KCNK9: variants seen among roughly 807,000 people sequenced by gnomAD.
The protein encoded by KCNK9 is potassium two pore domain channel subfamily K member 9.
Under a neutral mutation model 10.8 loss-of-function variants are expected in KCNK9, and 1 was observed. That is an observed-to-expected ratio of 0.09 (90% CI 0.03 to 0.44). The LOEUF is 0.44. Among genes scored for constraint, KCNK9 ranks in the 20% least tolerant of loss-of-function variants. The pLI is 0.97. For synonymous variants in KCNK9, 231 were observed against 222.7 expected (o/e 1.04, Z -0.33); for missense variants, 303 against 515.0 (o/e 0.59, Z 3.98).
At chr8:139,683,705 AG>A (rs1816736448) in intron 1 of KCNK9, among the ~76,000 whole-genome samples, 12 of 152,224 alleles carry the variant, frequency 7.9e-5, no homozygotes, top group Non-Finnish European at 1.6e-4. Flanking sequence ...GAGGTATGTG[AG>A]CAGAGTGTGA....
intron 1 of KCNK9, among the ~76,000 whole-genome samples, chr8:139,645,514 G>A (rs1340146734): frequency 6.6e-6 from 1 of 152,162 alleles, no homozygotes; most frequent in Non-Finnish European, 1.5e-5. Flanking sequence ...CATTGAGGCC[G>A]GTACCACCTC....
At chr8:139,681,854 C>G (rs1018096737) in intron 1 of KCNK9, among the ~76,000 whole-genome samples, 1 of 152,198 alleles carries the variant, frequency 6.6e-6, no homozygotes, top group Non-Finnish European at 1.5e-5. Context: ...GCATCTTATG[C>G]GGCCTGGACA....
At chr8:139,626,830 A>G (rs1814993391) in intron 1 of KCNK9, among the ~76,000 whole-genome samples, 1 of 152,218 alleles carries the variant, frequency 6.6e-6, no homozygotes, top group South Asian at 2.1e-4. Flanking sequence ...TCCATTAAAG[A>G]ATGACTCAGG....
chr8:139,641,079 G>A (rs1009445540), intron 1 of KCNK9, among the ~76,000 whole-genome samples: 1 of 152,250 alleles, frequency 6.6e-6, no homozygotes, highest in African/African-American at 2.4e-5. Context: ...GAAGCGGTCT[G>A]GCACGAGGAG....
At chr8:139,697,948 C>T (rs188521237) in intron 1 of KCNK9, among the ~76,000 whole-genome samples, 1 of 152,268 alleles carries the variant, frequency 6.6e-6, no homozygotes, top group East Asian at 1.9e-4. Flanking sequence ...GCCAGCTACC[C>T]TGCTGGACAT....
chr8:139,636,771 A>G (rs1282445181), intron 1 of KCNK9, among the ~76,000 whole-genome samples: 2 of 152,216 alleles, frequency 1.3e-5, no homozygotes, highest in East Asian at 1.9e-4. Context: ...AAGAAAAGAA[A>G]GGTTTATGGC....
chr8:139,649,457 A>T (rs1333995542), intron 1 of KCNK9, among the ~76,000 whole-genome samples: 7 of 152,188 alleles, frequency 4.6e-5, no homozygotes, highest in Non-Finnish European at 8.8e-5. Context: ...TCACTCCAAG[A>T]TGTGCCTTGC....
intron 1 of KCNK9, among the ~76,000 whole-genome samples, chr8:139,695,587 AC>A (rs1817029877): frequency 6.6e-6 from 1 of 152,142 alleles, no homozygotes; most frequent in African/African-American, 2.4e-5. Context: ...GACCCTCAAA[AC>A]AAAAATCCCT....
chr8:139,669,309 C>T (rs942536581), intron 1 of KCNK9, among the ~76,000 whole-genome samples: 1 of 152,170 alleles, frequency 6.6e-6, no homozygotes, highest in South Asian at 2.1e-4. Flanking sequence ...CTTCCTTTCA[C>T]CAAAGATTTC....
Position 139,702,148 on chromosome 8 carries a change from A to G in KCNK9, c.283+562T>C, listed in dbSNP as rs989318322. ...CCAGAACTGGAACTCAGGGGAAAAAAGGAGCCGGGCGGGGGGAAGAGAGAT... is the reference window on the plus strand; with the variant it reads ...CCAGAACTGGAACTCAGGGGAAAAAGGGAGCCGGGCGGGGGGAAGAGAGAT... On this transcript the variant is annotated intron_variant, in intron 1 of 1. Transcript: ENST00000520439. This position sits in a 1 kb window ranked among gnomAD's most constrained non-coding sequence, Gnocchi z 7.5. Among the ~76,000 whole-genome samples, 3 of 152,094 alleles carry G rather than the reference A, an allele frequency of 2.0e-5. No individual in the cohort carries two copies. The highest frequency in any genetic ancestry group is 1.3e-4 in the Admixed American group (2 of 15,288).
chr8:139,671,345 T>C (rs1264312736), intron 1 of KCNK9, among the ~76,000 whole-genome samples: 1 of 152,132 alleles, frequency 6.6e-6, no homozygotes, highest in Non-Finnish European at 1.5e-5. Flanking sequence ...CACTTCTTTG[T>C]ACTGTGTTCG....
chr8:139,620,775 G>A (rs934116256), intron 1 of KCNK9, among the ~76,000 whole-genome samples: 9 of 152,158 alleles, frequency 5.9e-5, no homozygotes, highest in African/African-American at 2.2e-4. Flanking sequence ...CCTTATGAAA[G>A]AAGAGATGAT....
intron 1 of KCNK9, among the ~76,000 whole-genome samples, chr8:139,662,340 G>A (rs967221295): frequency 3.3e-5 from 5 of 152,338 alleles, no homozygotes; most frequent in South Asian, 2.1e-4. Context: ...GGGGCTGGGT[G>A]TGGCCAGGAT....
chr8:139,642,658 C>A (rs1481236167), intron 1 of KCNK9, among the ~76,000 whole-genome samples: 2 of 152,244 alleles, frequency 1.3e-5, no homozygotes, highest in Non-Finnish European at 2.9e-5. Flanking sequence ...GGAGCAGCCA[C>A]TTCCACTGCA....
chr8:139,644,719 C>CA (rs370452578), intron 1 of KCNK9, among the ~76,000 whole-genome samples: 9 of 150,494 alleles, frequency 6.0e-5, no homozygotes, highest in Non-Finnish European at 1.2e-4. Context: ...GCCCTGTCCC[C>CA]CCCCCCCAGA....
At chr8:139,646,045 C>G (rs1418085342) in intron 1 of KCNK9, among the ~76,000 whole-genome samples, 1 of 152,212 alleles carries the variant, frequency 6.6e-6, no homozygotes, top group Non-Finnish European at 1.5e-5. Context: ...GGTCCGTGCT[C>G]TCTGGCTCCC....
At chr8:139,611,107 A>G (rs1563712086), downstream of KCNK9, among the ~76,000 whole-genome samples, 1 of 152,190 alleles carries the variant, frequency 6.6e-6, no homozygotes, top group African/African-American at 2.4e-5. Flanking sequence ...GTTTGATTTC[A>G]AGTCCAATGC....
Position 139,687,387 on chromosome 8 carries a change from T to TATATATGTGTATACATATATATTC in KCNK9, c.283+15299_283+15322dup, listed in dbSNP as rs1195416786. On this transcript the variant is annotated intron_variant, in intron 1 of 1. Coordinates refer to ENST00000520439, the MANE Select transcript of KCNK9 (RefSeq NM_001282534.2). Reference sequence around the variant, plus strand: ...ATATATGTGTATACATATATATGAATATATATGTGTATACATATATATTCA... The same window carrying TATATATGTGTATACATATATATTC: ...ATATATGTGTATACATATATATGAATATATATGTGTATACATATATATTCATATATGTGTATACATATATATTCA... Among the ~76,000 whole-genome samples, 11 of 122,958 alleles carry TATATATGTGTATACATATATATTC rather than the reference T, an allele frequency of 8.9e-5. 1 individual carries two copies. Among genetic ancestry groups the TATATATGTGTATACATATATATTC allele is most frequent in the East Asian group, 2.1e-4 (1 of 4,658 alleles). The allele number at this position is 122,958 out of a possible 152,430, so 80.7% of individuals were successfully genotyped here. A position where few individuals can be genotyped will look rare whatever the true frequency, so the allele number is the denominator to read the frequency against.
downstream of KCNK9, chr8:139,612,732 C>G (rs977894632): frequency 6.6e-6 from 1 of 152,154 alleles, no homozygotes; most frequent in Non-Finnish European, 1.5e-5. Flanking sequence ...AAGCAGTTAC[C>G]ACAGAGGTCC....
Sources: gnomAD v4.1 joint callset for allele counts (sites outside exome capture counted in the v4.1 genomes callset) on GRCh38, gnomAD v4.1.1 for gene constraint, Gnocchi (gnomAD v3.1) non-coding constraint, MANE v1.5 for transcripts, NCBI Gene and HGNC (gene_info 2026-07-23, HGNC 2026-07-21) for gene names.